The following SLC6A6 variants were observed in gnomAD, a reference collection of about 807,000 sequenced individuals.
The protein encoded by SLC6A6 is solute carrier family 6 member 6.
A neutral mutation model predicts 68.8 loss-of-function variants in SLC6A6; 16 were observed. The ratio of observed to expected loss-of-function variants is 0.23; its 90% CI spans 0.16 to 0.35. The LOEUF (loss-of-function observed/expected upper bound fraction) is 0.35, where lower values mean the gene tolerates loss of function less well. Among genes scored for constraint, SLC6A6 ranks in the 10% least tolerant of loss-of-function variants. The pLI, the probability that SLC6A6 is intolerant of heterozygous loss-of-function variation, is 1.00. For synonymous variants in SLC6A6, 312 were observed against 315.4 expected (o/e 0.99, Z 0.12); for missense variants, 474 against 802.8 (o/e 0.59, Z 4.95).
At chr3:14,445,965 T>G in intron 4 of SLC6A6, 114 bp downstream of exon 4, 2 of 1,036,308 alleles carry the variant, frequency 1.9e-6, no homozygotes, top group Non-Finnish European at 2.9e-6. Context: ...CACTTAGCTC[T>G]ATGCTGACAC....
chr3:14,484,785 T>G, intron 14 of SLC6A6, 82 bp from the exon 15 acceptor site: 1 of 1,455,110 alleles, frequency 6.9e-7, no homozygotes, highest in Non-Finnish European at 9.5e-7. Flanking sequence ...ATGAGCCAAT[T>G]CAGGAGGAGG....
rs1304021442 is a variant in SLC6A6, at chr3:14,436,643, T to C, written c.-11-6981T>C. On this transcript the variant is annotated intron_variant, in intron 2 of 14. Coordinates refer to ENST00000622186, the MANE Select transcript of SLC6A6 (RefSeq NM_003043.6). ...GCCCTTGGCAGGCATCACTAATAGA[T>C]CCTGGCCATCCTGCTCACTGAGCCT... Among the ~76,000 whole-genome samples, 7 of 145,288 alleles carry C rather than the reference T, an allele frequency of 4.8e-5. No individual in the cohort carries two copies. The East Asian group carries it at 1.5e-3, about 32-fold the overall frequency.
At chr3:14,461,213 CT>C (rs1700486336) in intron 6 of SLC6A6, among the ~76,000 whole-genome samples, 1 of 152,256 alleles carries the variant, frequency 6.6e-6, no homozygotes. Context: ...ATTCTCAGTG[CT>C]GCTAGGTAGC....
chr3:14,459,191 G>A (rs542182306), intron 6 of SLC6A6, among the ~76,000 whole-genome samples: 3 of 152,298 alleles, frequency 2.0e-5, no homozygotes, highest in African/African-American at 7.2e-5. Flanking sequence ...TCCCAAAAGA[G>A]GGAACGTCTC....
chr3:14,433,808 A>C (rs917583269), intron 2 of SLC6A6, among the ~76,000 whole-genome samples: 2,153 of 138,568 alleles, frequency 0.016, 50 homozygotes, highest in South Asian at 0.055. Context: ...GTCTCAAAAA[A>C]AAAAAAAAAA....
At chr3:14,462,117 G>A (rs1358467106) in intron 6 of SLC6A6, among the ~76,000 whole-genome samples, 1 of 152,234 alleles carries the variant, frequency 6.6e-6, no homozygotes, top group Non-Finnish European at 1.5e-5. Flanking sequence ...CACCACCAGA[G>A]GCCCCTGGCA....
intron 1 of SLC6A6, among the ~76,000 whole-genome samples, chr3:14,408,749 G>A: frequency 6.6e-6 from 1 of 151,594 alleles, no homozygotes; most frequent in East Asian, 1.9e-4. Flanking sequence ...TTTCCTCTTT[G>A]ATCCAGGCAT....
At chr3:14,456,256 C>T (rs1323701263) in intron 5 of SLC6A6, among the ~76,000 whole-genome samples, 2 of 152,232 alleles carry the variant, frequency 1.3e-5, no homozygotes, top group Non-Finnish European at 2.9e-5. Flanking sequence ...TCCCTGGTGC[C>T]AGGGGGAGCC....
At chr3:14,404,798 A>G (rs1559279946) in intron 1 of SLC6A6, among the ~76,000 whole-genome samples, 1 of 152,244 alleles carries the variant, frequency 6.6e-6, no homozygotes. Context: ...GGGTGTCACG[A>G]GGTCCTGGGT....
rs1700896661 is a variant in SLC6A6, at chr3:14,477,129, GCCCTTCCCTC to G, written c.1210-74_1210-65del. 7.2e-7 allele frequency: 1 copy of G among 1,389,534 alleles called. No homozygotes were observed. Among genetic ancestry groups the G allele is most frequent in the Admixed American group, 1.7e-5 (1 of 57,242 alleles). 86.1% of individuals were successfully genotyped at this position (1,389,534 alleles called of 1,614,324 possible). ...CTGCTCCTGCATTGTGTGTTCCTGGGCCCTTCCCTCCGAGCAGCAGGCAAGGGTGGCCTGA... is the reference window on the plus strand; with the variant it reads ...CTGCTCCTGCATTGTGTGTTCCTGGGCGAGCAGCAGGCAAGGGTGGCCTGA... On this transcript the variant is annotated intron_variant, in intron 10 of 14. Coordinates refer to ENST00000622186, the MANE Select transcript of SLC6A6 (RefSeq NM_003043.6). This position sits in a 1 kb window ranked among gnomAD's most constrained non-coding sequence, Gnocchi z 4.2.
chr3:14,484,778 A>G, intron 14 of SLC6A6, 89 bp from the exon 15 acceptor site: 1 of 1,384,050 alleles, frequency 7.2e-7, no homozygotes, highest in Non-Finnish European at 1.0e-6. Flanking sequence ...ACAGCACATG[A>G]GCCAATTCAG....
Position 14,481,060 on chromosome 3 carries a change from G to T in SLC6A6, c.1552-611G>T, listed in dbSNP as rs939265215. Among the ~76,000 whole-genome samples, 4 of 152,210 alleles carry T rather than the reference G, an allele frequency of 2.6e-5. No homozygotes were observed. The highest frequency in any genetic ancestry group is 5.9e-5 in the Non-Finnish European group (4 of 68,032). On this transcript the variant is annotated intron_variant, in intron 13 of 14. Transcript: ENST00000622186. The surrounding 1 kb of genome is among the most constrained non-coding windows in gnomAD (Gnocchi z 4.7). ...TGCTAGCACTTATGGTGCACTTGTTGTATGTACCTGGAGCTGCACTGGGTG... is the reference window on the plus strand; with the variant it reads ...TGCTAGCACTTATGGTGCACTTGTTTTATGTACCTGGAGCTGCACTGGGTG...
chr3:14,447,781 C>T lies in SLC6A6; in HGVS notation c.564C>T (p.Ser188=), dbSNP rs540262903. 15 of 1,614,234 alleles carry T rather than the reference C, an allele frequency of 9.3e-6. No homozygotes were observed. The Admixed American group carries it at 2.0e-4, about 22-fold the overall frequency. ...AGAGTGTCTGGATCACCATCAGCTC[C>T]ACCAACTTCACCTCCCCTGTCATCG... ...KNKSVWITIS[S]TNFTSPVIEF... The change falls in exon 5 of 15, where the codon TCC becomes TCT. Residue 188 remains serine (S), a synonymous_variant. Coordinates refer to ENST00000622186, the MANE Select transcript of SLC6A6 (RefSeq NM_003043.6).
At chr3:14,441,833 G>A (rs115252015) in intron 2 of SLC6A6, among the ~76,000 whole-genome samples, 1 of 152,254 alleles carries the variant, frequency 6.6e-6, no homozygotes, top group East Asian at 1.9e-4. Flanking sequence ...GCCACTCTGG[G>A]ATCCACCTAA....
intron 3 of SLC6A6, chr3:14,444,085 G>A: frequency 1.9e-6 from 1 of 527,744 alleles, no homozygotes; most frequent in Non-Finnish European, 3.5e-6. Flanking sequence ...GCCTTTCTGT[G>A]TTACCTTGAG....
intron 2 of SLC6A6, among the ~76,000 whole-genome samples, chr3:14,427,627 G>A (rs1422898704): frequency 2.6e-5 from 4 of 152,176 alleles, no homozygotes; most frequent in Non-Finnish European, 5.9e-5. Flanking sequence ...ATGTTGAGGG[G>A]TCCCAGTGTC....
At chr3:14,416,266 G>A (rs968101294) in intron 1 of SLC6A6, 146 bp from the exon 2 acceptor site, 19 of 395,168 alleles carry the variant, frequency 4.8e-5, no homozygotes, top group Non-Finnish European at 7.1e-5. Context: ...GAGCCTCAGC[G>A]TCCTGGCCTT....
chr3:14,469,859 A>T (rs1407262123), intron 9 of SLC6A6, among the ~76,000 whole-genome samples: 2 of 150,996 alleles, frequency 1.3e-5, no homozygotes, highest in Non-Finnish European at 3.0e-5. Context: ...ACCCCCACAC[A>T]CCTCTCCACT....
At chr3:14,482,543 ACT>A (rs1701032625) in intron 14 of SLC6A6, among the ~76,000 whole-genome samples, 1 of 152,156 alleles carries the variant, frequency 6.6e-6, no homozygotes, top group African/African-American at 2.4e-5. Context: ...CCAAGAGTGC[ACT>A]GTTTTGTTCT....
Sources: gnomAD v4.1 joint callset for allele counts (sites outside exome capture counted in the v4.1 genomes callset) on GRCh38, gnomAD v4.1.1 for gene constraint, Gnocchi (gnomAD v3.1) non-coding constraint, MANE v1.5 for transcripts, NCBI Gene and HGNC (gene_info 2026-07-23, HGNC 2026-07-21) for gene names.